Variants in SHB observed in about 807,000 individuals in gnomAD.
SHB encodes the protein SH2 domain-containing adapter protein B.
A neutral mutation model predicts 52.3 loss-of-function variants in SHB; 20 were observed. The ratio of observed to expected loss-of-function variants is 0.38; its 90% confidence interval spans 0.27 to 0.56. The LOEUF (loss-of-function observed/expected upper bound fraction) is 0.56, where lower values mean the gene tolerates loss of function less well. SHB is among the 20% of genes least tolerant of loss of function. SHB has a pLI of 0.71. For missense variants in SHB, 825 were observed against 723.3 expected, an observed-to-expected ratio of 1.14 and a Z score of -1.61; for synonymous variants, 397 against 316.5, an observed-to-expected ratio of 1.25 and a Z score of -2.70.
intron 5 of SHB, among the ~76,000 whole-genome samples, chr9:37,923,925 C>T (rs1832213980): frequency 6.6e-6 from 1 of 152,244 alleles, no homozygotes; most frequent in Non-Finnish European, 1.5e-5. Flanking sequence ...CTCCGAGCCA[C>T]ATCTCCTCCC....
chr9:37,985,641 C>A (rs1412587758), intron 2 of SHB, among the ~76,000 whole-genome samples: 1 of 152,234 alleles, frequency 6.6e-6, no homozygotes, highest in Non-Finnish European at 1.5e-5. Context: ...CTTTCTAAAT[C>A]CTCGCCGACT....
chr9:38,039,489 T>C lies in SHB; in HGVS notation c.718-23358A>G, dbSNP rs1229567034. Among the ~76,000 whole-genome samples the C allele has an allele frequency of 2.0e-5, 3 of 152,250 alleles. No individual in the cohort carries two copies. The East Asian group carries it at 5.8e-4, about 29-fold the overall frequency. On this transcript the variant is annotated intron_variant, in intron 1 of 5. Coordinates refer to ENST00000377707, the MANE Select transcript of SHB (RefSeq NM_003028.3). ...TGGGGCCAAGCACACCCATCCCACT[T>C]TGTGGCAAAGGAGTATGTGAATGAA...
chr9:37,972,434 T>A (rs1016426143), intron 3 of SHB, among the ~76,000 whole-genome samples: 13 of 152,304 alleles, frequency 8.5e-5, no homozygotes, highest in African/African-American at 3.1e-4. Flanking sequence ...TCTTTGGCTC[T>A]CGGCCAGGGG....
rs149489511 is a variant in SHB at position 38,020,658 on chromosome 9, G to A, written c.718-4527C>T. On this transcript the variant is annotated intron_variant, in intron 1 of 5. Transcript: ENST00000377707. ...GGCTGGCTCCAGATTGAGCAATTCG[G>A]CCTGTGCAGGGGGAGAGGGCTACCA... Among the ~76,000 whole-genome samples, 152 of 152,298 alleles carry A rather than the reference G, an allele frequency of 1.0e-3. 2 individuals are homozygous for A. The East Asian group carries it at 0.013, about 13-fold the overall frequency.
intron 1 of SHB, among the ~76,000 whole-genome samples, chr9:38,037,672 C>T (rs1339920886): frequency 1.3e-5 from 2 of 152,190 alleles, no homozygotes; most frequent in Non-Finnish European, 2.9e-5. Flanking sequence ...GATTCAGCCC[C>T]CATGTACCAT....
At chr9:38,057,170 A>T (rs1161663103) in intron 1 of SHB, among the ~76,000 whole-genome samples, 1 of 152,256 alleles carries the variant, frequency 6.6e-6, no homozygotes, top group East Asian at 1.9e-4. Flanking sequence ...AACGAGGAAA[A>T]GCCCAACATG....
At chr9:38,019,650 G>C (rs964648908) in intron 1 of SHB, among the ~76,000 whole-genome samples, 1 of 152,204 alleles carries the variant, frequency 6.6e-6, no homozygotes, top group African/African-American at 2.4e-5. Flanking sequence ...AAATGCACTT[G>C]GGTGGAGACA....
intron 5 of SHB, among the ~76,000 whole-genome samples, chr9:37,947,713 G>T (rs548088720): frequency 4.6e-5 from 7 of 152,180 alleles, no homozygotes; most frequent in Non-Finnish European, 8.8e-5. Flanking sequence ...CTACAGGGCC[G>T]GCATGTGTGT....
At chr9:38,004,562 C>T (rs1225668016) in intron 2 of SHB, among the ~76,000 whole-genome samples, 2 of 152,180 alleles carry the variant, frequency 1.3e-5, no homozygotes, top group Non-Finnish European at 2.9e-5. Context: ...AGGCCATTCA[C>T]TTCAGGAAGT....
intron 1 of SHB, among the ~76,000 whole-genome samples, chr9:38,055,982 A>C (rs1262121446): frequency 6.6e-6 from 1 of 152,166 alleles, no homozygotes; most frequent in Non-Finnish European, 1.5e-5. Flanking sequence ...AGCCCTAGTT[A>C]ATACCTAGTT....
intron 2 of SHB, among the ~76,000 whole-genome samples, chr9:38,011,192 A>AG (rs1439882819): frequency 3.9e-5 from 6 of 152,152 alleles, no homozygotes; most frequent in Admixed American, 1.3e-4. Flanking sequence ...GAGGGAAAGA[A>AG]GGGGCTGTGA....
At chr9:37,934,046 CAACTA>C (rs1832341715) in intron 5 of SHB, among the ~76,000 whole-genome samples, 1 of 152,228 alleles carries the variant, frequency 6.6e-6, no homozygotes, top group Non-Finnish European at 1.5e-5. Context: ...CGGGAGTCAG[CAACTA>C]AACAGGGTCC....
At chr9:37,951,631 A>G (rs1832567514) in intron 4 of SHB, among the ~76,000 whole-genome samples, 1 of 152,254 alleles carries the variant, frequency 6.6e-6, no homozygotes, top group Non-Finnish European at 1.5e-5. Context: ...GCTGCCTGCC[A>G]TCCACCCTCC....
At chr9:38,060,656 CTAA>C in intron 1 of SHB, among the ~76,000 whole-genome samples, 1 of 152,284 alleles carries the variant, frequency 6.6e-6, no homozygotes, top group Non-Finnish European at 1.5e-5. Context: ...AAAGTATTAG[CTAA>C]TATTACTGTA....
chr9:38,016,351 G>A (rs771752129), intron 1 of SHB, among the ~76,000 whole-genome samples: 25 of 152,356 alleles, frequency 1.6e-4, no homozygotes, highest in African/African-American at 4.8e-4. Flanking sequence ...CTCTGAGCTC[G>A]TGCATGCCTG....
At chr9:38,062,193 G>A (rs1821903345) in intron 1 of SHB, among the ~76,000 whole-genome samples, 1 of 152,198 alleles carries the variant, frequency 6.6e-6, no homozygotes, top group South Asian at 2.1e-4. Flanking sequence ...GAAAATAGAG[G>A]AAGCATATAG....
At chr9:37,947,879 C>T (rs1832512082) in intron 5 of SHB, among the ~76,000 whole-genome samples, 1 of 152,228 alleles carries the variant, frequency 6.6e-6, no homozygotes, top group South Asian at 2.1e-4. Context: ...CCAGTTATGT[C>T]ACCAGCTCTC....
intron 5 of SHB, among the ~76,000 whole-genome samples, chr9:37,925,987 G>T (rs896597108): frequency 6.6e-6 from 1 of 152,130 alleles, no homozygotes; most frequent in African/African-American, 2.4e-5. Flanking sequence ...CTTGGCATGG[G>T]GAAGGGCCCT....
chr9:38,060,623 C>G (rs1226288313), intron 1 of SHB, among the ~76,000 whole-genome samples: 1 of 152,180 alleles, frequency 6.6e-6, no homozygotes, highest in Non-Finnish European at 1.5e-5. Context: ...CAGAACTGCA[C>G]CTAGCTCAGA....
Sources: gnomAD v4.1 joint callset for allele counts (sites outside exome capture counted in the v4.1 genomes callset) on GRCh38, gnomAD v4.1.1 for gene constraint, MANE v1.5 for transcripts, NCBI Gene and HGNC (gene_info 2026-07-23, HGNC 2026-07-21) for gene names.